Variants in CLUL1 observed in about 807,000 individuals in gnomAD.
The protein encoded by CLUL1 is clusterin-like protein 1.
In CLUL1, 43 loss-of-function variants were observed where a neutral mutation model predicts 49.4. That is an observed-to-expected ratio of 0.87 (90% confidence interval 0.68 to 1.12). The LOEUF is 1.12. Among genes scored for constraint, CLUL1 ranks in the 50% most tolerant of loss-of-function variants. The pLI, the probability that CLUL1 is intolerant of heterozygous loss-of-function variation, is 0.00. For synonymous variants in CLUL1, 192 were observed against 184.9 expected, an observed-to-expected ratio of 1.04 and a Z score of -0.31; for missense variants, 486 against 544.4, an observed-to-expected ratio of 0.89 and a Z score of 1.07.
At chr18:636,675 G>A (rs2074147190) in intron 7 of CLUL1, among the ~76,000 whole-genome samples, 1 of 141,966 alleles carries the variant, frequency 7.0e-6, no homozygotes, top group African/African-American at 2.6e-5. Context: ...GCCGAGGCTG[G>A]AGTGCAATGG....
intron 8 of CLUL1, among the ~76,000 whole-genome samples, chr18:643,314 C>T (rs921455764): frequency 3.9e-5 from 6 of 152,274 alleles, no homozygotes; most frequent in African/African-American, 1.4e-4. Flanking sequence ...CTGCAGACCA[C>T]AGTCAAAGGG....
chr18:645,511 G>A (rs1326164254), intron 9 of CLUL1, among the ~76,000 whole-genome samples: 1 of 151,854 alleles, frequency 6.6e-6, no homozygotes, highest in Non-Finnish European at 1.5e-5. Flanking sequence ...ATATTAAAAT[G>A]TTGGCCGGGC....
intron 1 of CLUL1, among the ~76,000 whole-genome samples, chr18:605,636 C>G (rs1237528337): frequency 2.0e-5 from 3 of 151,764 alleles, no homozygotes; most frequent in Non-Finnish European, 2.9e-5. Context: ...TATTTTGTAT[C>G]ATCTACTTTA....
At chr18:621,680 T>G (rs766251469) in intron 4 of CLUL1, among the ~76,000 whole-genome samples, 38 of 152,212 alleles carry the variant, frequency 2.5e-4, no homozygotes, top group Non-Finnish European at 4.9e-4. Flanking sequence ...GGTAAACCAC[T>G]ACTTTCATTT....
intron 7 of CLUL1, among the ~76,000 whole-genome samples, chr18:637,001 T>G (rs904714911): frequency 6.6e-6 from 1 of 151,592 alleles, no homozygotes. Context: ...TTTTTGTTTT[T>G]TTTGAGACGG....
chr18:609,062 A>G (rs1276454794), intron 2 of CLUL1, among the ~76,000 whole-genome samples: 2 of 152,204 alleles, frequency 1.3e-5, no homozygotes, highest in African/African-American at 2.4e-5. Flanking sequence ...ATTTGCATAT[A>G]CACAATGAGA....
intron 2 of CLUL1, among the ~76,000 whole-genome samples, chr18:609,583 G>C (rs1384652865): frequency 6.6e-6 from 1 of 152,096 alleles, no homozygotes; most frequent in African/African-American, 2.4e-5. Flanking sequence ...CATCACTTTA[G>C]GAGGCCAAAG....
chr18:607,541 C>G (rs182504502), intron 2 of CLUL1, among the ~76,000 whole-genome samples: 1 of 152,180 alleles, frequency 6.6e-6, no homozygotes, highest in Admixed American at 6.5e-5. Context: ...TCGAGTGAGC[C>G]TTAGCCTCCT....
Position 603,601 on chromosome 18 carries a change from T to C in CLUL1, c.-135-3377T>C, listed in dbSNP as rs73942576. On this transcript the variant is annotated intron_variant, in intron 1 of 9. Transcript: ENST00000692774. ...TATTATAATATCGAAAACAATCAAGTGACATTGCTACAACCCATAGAGCTT... is the reference window on the plus strand; with the variant it reads ...TATTATAATATCGAAAACAATCAAGCGACATTGCTACAACCCATAGAGCTT... Among the ~76,000 whole-genome samples, 613 of 152,260 alleles carry C rather than the reference T, an allele frequency of 4.0e-3. 3 individuals are homozygous for C. The highest frequency in any genetic ancestry group is 0.014 in the African/African-American group (590 of 41,552).
At chr18:645,804 AAAAAAAATAT>A (rs1185006080) in intron 9 of CLUL1, among the ~76,000 whole-genome samples, 11 of 48,666 alleles carry the variant, frequency 2.3e-4, no homozygotes, top group African/African-American at 6.9e-4. Flanking sequence ...AAAAAAAAAA[AAAAAAAATAT>A]ATATATATAT....
intron 4 of CLUL1, among the ~76,000 whole-genome samples, chr18:620,952 A>ATTACT (rs2073473478): frequency 2.0e-5 from 3 of 152,224 alleles, no homozygotes; most frequent in Admixed American, 2.0e-4. Context: ...AATATTTTCA[A>ATTACT]TTTTAATGTT....
chr18:600,131 AT>A (rs1356278962), intron 1 of CLUL1, among the ~76,000 whole-genome samples: 14 of 151,966 alleles, frequency 9.2e-5, no homozygotes, highest in Non-Finnish European at 2.9e-5. Context: ...GTTGGGTTTT[AT>A]TTTTTATTTT....
Position 649,881 on chromosome 18 carries a change from T to C in CLUL1, c.1398-17T>C. On this transcript the variant is annotated splice_polypyrimidine_tract_variant and intron_variant, in intron 9 of 9. Coordinates refer to ENST00000692774, the MANE Select transcript of CLUL1 (RefSeq NM_001393344.1). ...ATTAGTATTTTGATCATTGCTGCCT[T>C]TTTTTTTTTTTTTAAGGTAAGAAGA... is the stretch of plus-strand genomic sequence containing the variant. 1.3e-6 allele frequency: 1 copy of C among 774,042 alleles called. No homozygotes were observed. Among genetic ancestry groups the C allele is most frequent in the Non-Finnish European group, 1.8e-6 (1 of 542,986 alleles). The allele number at this position is 774,042 out of a possible 1,614,324, so 47.9% of individuals were successfully genotyped here. A position where few individuals can be genotyped will look rare whatever the true frequency, so the allele number is the denominator to read the frequency against.
chr18:644,384 A>G (rs2074415925), intron 8 of CLUL1, among the ~76,000 whole-genome samples: 1 of 152,244 alleles, frequency 6.6e-6, no homozygotes, highest in Non-Finnish European at 1.5e-5. Context: ...AATCACACCT[A>G]CAACCATAAA....
intron 2 of CLUL1, among the ~76,000 whole-genome samples, chr18:615,652 C>T (rs1224850264): frequency 6.6e-6 from 1 of 152,192 alleles, no homozygotes; most frequent in Non-Finnish European, 1.5e-5. Context: ...GCCAACCATG[C>T]ATCTTTCAGG....
At chr18:603,886 T>C (rs546432096) in intron 1 of CLUL1, among the ~76,000 whole-genome samples, 19 of 152,298 alleles carry the variant, frequency 1.2e-4, no homozygotes, top group Non-Finnish European at 2.4e-4. Context: ...TCTTTTGGGA[T>C]TGGTAACAGA....
At chr18:611,583 A>C (rs2073137294) in intron 2 of CLUL1, among the ~76,000 whole-genome samples, 1 of 152,166 alleles carries the variant, frequency 6.6e-6, no homozygotes. Flanking sequence ...TCTAGGGACA[A>C]AAATATTTTT....
chr18:601,827 AAAAT>A (rs915525197), intron 1 of CLUL1, among the ~76,000 whole-genome samples: 2 of 152,234 alleles, frequency 1.3e-5, no homozygotes, highest in African/African-American at 2.4e-5. Context: ...AAAATAATAA[AAAAT>A]AAATAAATAC....
rs1383618641 is a variant in CLUL1 at position 645,809 on chromosome 18, AAATATATATATAT to A, written c.1397+714_1397+726del. Among the ~76,000 whole-genome samples, 16 of 70,468 alleles carry A rather than the reference AAATATATATATAT, an allele frequency of 2.3e-4. 1 individual carries two copies. Among genetic ancestry groups the A allele is most frequent in the African/African-American group, 6.4e-4 (10 of 15,510 alleles). The allele number at this position is 70,468 out of a possible 152,430, so 46.2% of individuals were successfully genotyped here. On this transcript the variant is annotated intron_variant, in intron 9 of 9. Transcript: ENST00000692774. Reference sequence around the variant, plus strand: ...ACTCTGTTTAAAAAAAAAAAAAAAAAAATATATATATATATATATATATATATATATATATATA... The same window carrying A: ...ACTCTGTTTAAAAAAAAAAAAAAAAAATATATATATATATATATATATATA...
Sources: allele counts gnomAD v4.1 joint callset (sites outside exome capture counted in the v4.1 genomes callset), GRCh38; gene constraint gnomAD v4.1.1; transcripts MANE v1.5; gene names NCBI Gene and HGNC (gene_info 2026-07-23, HGNC 2026-07-21).